The following NPC1 variants were observed in gnomAD, a reference collection of about 807,000 sequenced individuals.
The protein encoded by NPC1 is NPC intracellular cholesterol transporter 1, also known as Niemann-Pick C1 protein.
In NPC1, 85 loss-of-function variants were observed where a neutral mutation model predicts 140.4. The observed-to-expected ratio is 0.61, with a 90% CI of 0.51 to 0.72. The LOEUF is 0.72. Ranked by LOEUF, NPC1 falls within the 30% of genes least tolerant of loss-of-function variation. NPC1 has a pLI of 0.00. For missense variants in NPC1, 1,504 were observed against 1,623.8 expected, an observed-to-expected ratio of 0.93 and a Z score of 1.27; for synonymous variants, 656 against 624.8, an observed-to-expected ratio of 1.05 and a Z score of -0.74.
downstream of NPC1, chr18:23,530,187 C>T (rs747029799): frequency 1.4e-4 from 219 of 1,613,648 alleles, no homozygotes; most frequent in Middle Eastern, 4.9e-4. Flanking sequence ...AAATTTTAAC[C>T]GTTATCTTTC....
rs1253083703 is a variant in NPC1, at chr18:23,586,461, A to G, written c.-118T>C. 2.0e-6 allele frequency: 3 copies of G among 1,474,944 alleles called. No individual in the cohort carries two copies. Among genetic ancestry groups the G allele is most frequent in the Non-Finnish European group, 2.7e-6 (3 of 1,119,826 alleles). 91.4% of individuals were successfully genotyped at this position (1,474,944 alleles called of 1,614,324 possible). ...CGCGCAGGAGGAGCGGAGGAGCAGG[A>G]GCAGGCGCTGACCGCGGCAGCAGGC... On this transcript the variant is annotated 5_prime_UTR_variant, in exon 1 of 25. Coordinates refer to ENST00000269228, the MANE Select transcript of NPC1 (RefSeq NM_000271.5).
intron 3 of NPC1, among the ~76,000 whole-genome samples, chr18:23,507,372 G>A (rs1452133575): frequency 2.0e-5 from 3 of 152,166 alleles, no homozygotes; most frequent in East Asian, 3.9e-4. Flanking sequence ...TGATTCTCTC[G>A]CCTCAGTCTC....
At chr18:23,536,236 T>C (rs2058628317) in intron 21 of NPC1, among the ~76,000 whole-genome samples, 1 of 152,200 alleles carries the variant, frequency 6.6e-6, no homozygotes, top group East Asian at 1.9e-4. Flanking sequence ...CAGTAGTTCA[T>C]ACATAATACT....
Position 23,536,819 on chromosome 18 carries a change from G to A in NPC1, c.3099C>T (p.Val1033=), listed in dbSNP as rs753304482. 39 of 1,613,992 alleles carry A rather than the reference G, an allele frequency of 2.4e-5. No individual in the cohort carries two copies. The South Asian group carries it at 3.0e-4, about 12-fold the overall frequency. ...VNILLGHGTR[V]GATYFMTYHT... ...GGTAGGTCATGAAGTACGTGGCTCC[G>A]ACCCTGGTGCCATGGCCAAGGAGGA... is the stretch of plus-strand genomic sequence containing the variant. Residue 1033 remains valine (V), a synonymous_variant, in exon 21 of 25, where the codon GTC becomes GTT. Transcript: ENST00000269228.
intron 24 of NPC1, chr18:23,532,947 A>G: frequency 2.0e-6 from 2 of 985,392 alleles, no homozygotes; most frequent in Non-Finnish European, 2.4e-6. Flanking sequence ...GGCAGCAAGC[A>G]CTTTGCTAAG....
chr18:23,509,453 T>A (rs1202419223), intron 3 of NPC1, among the ~76,000 whole-genome samples: 1 of 151,570 alleles, frequency 6.6e-6, no homozygotes, highest in Non-Finnish European at 1.5e-5. Context: ...CACTGTAATC[T>A]CAAACTCCTG....
chr18:23,566,728 G>T (rs1173475285), intron 4 of NPC1, among the ~76,000 whole-genome samples: 1 of 152,038 alleles, frequency 6.6e-6, no homozygotes, highest in African/African-American at 2.4e-5. Context: ...TTGTGTACTT[G>T]TTTTAAGTAT....
rs768204704 is a variant in NPC1, at chr18:23,554,772, A to G, written c.1539T>C (p.Phe513=). The G allele has an allele frequency of 6.2e-7, 1 of 1,613,314 alleles. No homozygotes were observed. The highest frequency in any genetic ancestry group is 8.5e-7 in the Non-Finnish European group (1 of 1,179,278). Residue 513 remains phenylalanine (F), a synonymous_variant, in exon 9 of 25, where the codon TTT becomes TTC. Coordinates refer to ENST00000269228, the MANE Select transcript of NPC1 (RefSeq NM_000271.5). ...FFVYADYHTH[F]LYCVRAPASL... is the part of the protein sequence containing the mutation. The stretch of plus-strand genomic sequence containing the variant: ...TTGCCACTTACCGTACGCAGTACAG[A>G]AAGTGCGTGTGGTAATCGGCATACA...
At chr18:23,545,879 T>C (rs927185771) in intron 11 of NPC1, among the ~76,000 whole-genome samples, 2 of 152,184 alleles carry the variant, frequency 1.3e-5, no homozygotes, top group Non-Finnish European at 2.9e-5. Flanking sequence ...ACAGGCACCA[T>C]GCCCAGCCAC....
At chr18:23,581,176 T>C (rs991715429) in intron 1 of NPC1, among the ~76,000 whole-genome samples, 4 of 152,228 alleles carry the variant, frequency 2.6e-5, no homozygotes, top group Non-Finnish European at 4.4e-5. Flanking sequence ...GGTGCCAGTA[T>C]ACACTGTCTG....
chr18:23,512,599 C>CT (rs761104196), intron 3 of NPC1, among the ~76,000 whole-genome samples: 316 of 141,832 alleles, frequency 2.2e-3, no homozygotes, highest in Non-Finnish European at 2.7e-3. Flanking sequence ...TTTTTTTTTC[C>CT]TTTTTTTTTT....
Position 23,573,522 on chromosome 18 carries a change from T to C in NPC1, c.110A>G (p.Asp37Gly), listed in dbSNP as rs776181190. 38 of 1,614,146 alleles carry C rather than the reference T, an allele frequency of 2.4e-5. No homozygotes were observed. The East Asian group carries it at 7.8e-4, about 33-fold the overall frequency. Residue 37 changes from aspartate to glycine, a missense_variant, in exon 2 of 25, where the codon GAC becomes GGC. By Grantham distance (94) the Asp-to-Gly change is moderately conservative. Transcript: ENST00000269228. ...AGAATATTCGCAATTGTACCTCTTG[T>C]CCCCATATGCAATTCCACACTCTCC... is the stretch of plus-strand genomic sequence containing the variant. ...WYGECGIAYG[D>G]KRYNCEYSGP... is the part of the protein sequence containing the mutation.
At chr18:23,580,553 T>G (rs2059344752) in intron 1 of NPC1, among the ~76,000 whole-genome samples, 1 of 152,240 alleles carries the variant, frequency 6.6e-6, no homozygotes, top group Non-Finnish European at 1.5e-5. Flanking sequence ...GGGTAGGACT[T>G]GGCCATCCAC....
At chr18:23,515,815 GT>G in intron 3 of NPC1, 3 of 1,611,734 alleles carry the variant, frequency 1.9e-6, no homozygotes, top group Non-Finnish European at 2.5e-6. Context: ...TTAGTTTGCC[GT>G]TTTTTAAATG....
At chr18:23,577,403 A>G in intron 1 of NPC1, among the ~76,000 whole-genome samples, 2 of 151,310 alleles carry the variant, frequency 1.3e-5, no homozygotes, top group African/African-American at 4.9e-5. Flanking sequence ...CTAGACATAA[A>G]GGTTCTCCAC....
At chr18:23,559,047 T>C (rs902519872) in intron 6 of NPC1, among the ~76,000 whole-genome samples, 6 of 152,246 alleles carry the variant, frequency 3.9e-5, no homozygotes, top group Non-Finnish European at 7.3e-5. Flanking sequence ...ACAAAGGACA[T>C]GAACTCATCA....
rs967206412 is a variant in NPC1, at chr18:23,536,735, T to C, written c.3183A>G (p.Ile1061Met). The C allele has an allele frequency of 6.2e-7, 1 of 1,614,230 alleles. No homozygotes were observed. Among genetic ancestry groups the C allele is most frequent in the Admixed American group, 1.7e-5 (1 of 60,030 alleles). The change falls in exon 21 of 25, where the codon ATA becomes ATG. Residue 1061 changes from isoleucine to methionine, a missense_variant. Coordinates refer to ENST00000269228, the MANE Select transcript of NPC1 (RefSeq NM_000271.5). ...CCATGGTTTCGGTGACATTACTGGC[T>C]ATAAGTCGGGCTTTCTTCAGAGCGT... ...FIDALKKARL[I>M]ASNVTETMGI...
Position 23,544,947 on chromosome 18 carries a change from C to CCTCCG in NPC1, c.1947+12_1947+13insCGGAG. 1 of 1,359,588 alleles carries CCTCCG rather than the reference C, an allele frequency of 7.4e-7. No homozygotes were observed. Among genetic ancestry groups the CCTCCG allele is most frequent in the South Asian group, 1.2e-5 (1 of 84,434 alleles). The allele number at this position is 1,359,588 out of a possible 1,614,324, so 84.2% of individuals were successfully genotyped here. A position where few individuals can be genotyped will look rare whatever the true frequency, so the allele number is the denominator to read the frequency against. ...TTAACCTCTAGAACATACACCACCCCCCCCCGGCTTACCAGAAGCCTGCGA... is the reference window on the plus strand; with the variant it reads ...TTAACCTCTAGAACATACACCACCCCCTCCGCCCCCGGCTTACCAGAAGCCTGCGA... On this transcript the variant is annotated intron_variant, in intron 12 of 24. Transcript: ENST00000269228.
At chr18:23,533,100 T>G in intron 24 of NPC1, 1 of 628,834 alleles carries the variant, frequency 1.6e-6, no homozygotes, top group Non-Finnish European at 2.5e-6. Context: ...AAGGACTGGC[T>G]CCAGGCCTTT....
Sources: allele counts gnomAD v4.1 joint callset (sites outside exome capture counted in the v4.1 genomes callset), GRCh38; gene constraint gnomAD v4.1.1; transcripts MANE v1.5; gene names NCBI Gene and HGNC (gene_info 2026-07-23, HGNC 2026-07-21).